The following SNTG2 variants were observed in gnomAD, a reference collection of about 807,000 sequenced individuals.
SNTG2 encodes the protein syntrophin gamma 2.
Under a neutral mutation model 70.9 loss-of-function variants are expected in SNTG2, and 74 were observed. The ratio of observed to expected loss-of-function variants is 1.04; its 90% CI spans 0.86 to 1.27. The LOEUF (loss-of-function observed/expected upper bound fraction) is 1.27, where lower values mean the gene tolerates loss of function less well. Ranked by LOEUF, SNTG2 falls within the 50% of genes most tolerant of loss-of-function variation. SNTG2 has a pLI of 0.00. For missense variants in SNTG2, 717 were observed against 690.7 expected (o/e 1.04, Z -0.43); for synonymous variants, 278 against 273.8 (o/e 1.02, Z -0.15).
intron 8 of SNTG2, among the ~76,000 whole-genome samples, chr2:1,192,266 G>A (rs1332831188): frequency 1.3e-5 from 2 of 152,158 alleles, no homozygotes; most frequent in East Asian, 3.9e-4. Context: ...GATTTAGAAA[G>A]GTCTGAGTGC....
chr2:1,209,300 G>T (rs546862872), intron 9 of SNTG2, 70 bp downstream of exon 9: 10 of 1,587,320 alleles, frequency 6.3e-6, no homozygotes, highest in Non-Finnish European at 8.6e-6. Context: ...CCTACAGGCC[G>T]CTGGTTACTC....
intron 8 of SNTG2, among the ~76,000 whole-genome samples, chr2:1,175,518 A>C (rs1436559987): frequency 2.0e-5 from 3 of 152,142 alleles, no homozygotes; most frequent in Admixed American, 6.5e-5. Flanking sequence ...GGAGAATCAA[A>C]CCTTTCTGAC....
chr2:1,159,639 GAA>G (rs1670142604), intron 6 of SNTG2, among the ~76,000 whole-genome samples: 1 of 152,046 alleles, frequency 6.6e-6, no homozygotes, highest in African/African-American at 2.4e-5. Context: ...GAAAGCAAAG[GAA>G]AAAGAGCCAT....
At position 1,065,241 on chromosome 2, in the gene SNTG2, C is replaced by T. The variant is rs146655791; in HGVS notation, c.73-18277C>T. On this transcript the variant is annotated intron_variant, in intron 1 of 16. Transcript: ENST00000308624. ...TGTGCTCTGTGGCCACCTGCTTTTC[C>T]GGGATGCCTGTATTCAGACCCTTCA... Among the ~76,000 whole-genome samples the T allele has an allele frequency of 8.3e-4, 127 of 152,122 alleles. 1 individual carries two copies. The highest frequency in any genetic ancestry group is 3.0e-3 in the African/African-American group (126 of 41,486).
At chr2:1,012,561 G>C (rs1659761206) in intron 1 of SNTG2, among the ~76,000 whole-genome samples, 1 of 147,232 alleles carries the variant, frequency 6.8e-6, no homozygotes, top group Admixed American at 6.7e-5. Flanking sequence ...TGGGCAGAGA[G>C]AAGGGTGGTC....
At chr2:1,191,198 T>TAA (rs759560553) in intron 8 of SNTG2, among the ~76,000 whole-genome samples, 3 of 152,236 alleles carry the variant, frequency 2.0e-5, no homozygotes, top group African/African-American at 4.8e-5. Flanking sequence ...TTCTCCCTTA[T>TAA]CATATCTCTT....
chr2:972,161 G>A (rs1294099597), intron 1 of SNTG2, among the ~76,000 whole-genome samples: 1 of 152,018 alleles, frequency 6.6e-6, no homozygotes, highest in Non-Finnish European at 1.5e-5. Flanking sequence ...GGTTTATTTG[G>A]TCAAATACTA....
At chr2:1,087,051 G>T (rs1157204369) in intron 2 of SNTG2, among the ~76,000 whole-genome samples, 5 of 152,124 alleles carry the variant, frequency 3.3e-5, no homozygotes, top group Admixed American at 6.5e-5. Context: ...TGAGGAATCC[G>T]GGGTGCTAAG....
At chr2:1,299,923 G>T (rs900653814) in intron 14 of SNTG2, among the ~76,000 whole-genome samples, 8 of 152,154 alleles carry the variant, frequency 5.3e-5, no homozygotes, top group Non-Finnish European at 1.0e-4. Flanking sequence ...CTTAAATGAC[G>T]GCACTGTGAC....
chr2:1,244,554 G>T (rs962271179), intron 11 of SNTG2, among the ~76,000 whole-genome samples: 4 of 152,040 alleles, frequency 2.6e-5, no homozygotes, highest in Non-Finnish European at 5.9e-5. Context: ...AAATTAGCAG[G>T]GCGTGGTGGC....
intron 11 of SNTG2, among the ~76,000 whole-genome samples, chr2:1,242,457 T>C (rs1677114330): frequency 6.6e-6 from 1 of 152,176 alleles, no homozygotes; most frequent in African/African-American, 2.4e-5. Context: ...ATTTTTAGAC[T>C]CTCATATCTG....
At chr2:1,266,175 CAGAG>C (rs61105769) in intron 13 of SNTG2, among the ~76,000 whole-genome samples, 13 of 149,550 alleles carry the variant, frequency 8.7e-5, no homozygotes, top group African/African-American at 1.7e-4. Context: ...GAAATGGAGA[CAGAG>C]AGAGAGAGAG....
intron 1 of SNTG2, among the ~76,000 whole-genome samples, chr2:1,045,516 T>A (rs1661684198): frequency 6.6e-6 from 1 of 152,134 alleles, no homozygotes; most frequent in African/African-American, 2.4e-5. Context: ...TTTGGGTGTT[T>A]AGCACCATGA....
chr2:1,359,182 A>G (rs1028931536), intron 16 of SNTG2, among the ~76,000 whole-genome samples: 2 of 152,138 alleles, frequency 1.3e-5, no homozygotes, highest in African/African-American at 4.8e-5. Context: ...GAAGATAATT[A>G]TATATAGTAT....
intron 1 of SNTG2, among the ~76,000 whole-genome samples, chr2:1,035,628 G>T (rs1661087643): frequency 6.6e-6 from 1 of 152,150 alleles, no homozygotes. Context: ...TTGATTTATT[G>T]TTCATTTCAC....
intron 1 of SNTG2, among the ~76,000 whole-genome samples, chr2:984,623 G>C (rs1216536622): frequency 6.6e-6 from 1 of 152,208 alleles, no homozygotes; most frequent in Non-Finnish European, 1.5e-5. Context: ...CATGAGGTCA[G>C]CTGTGGCCCT....
intron 16 of SNTG2, among the ~76,000 whole-genome samples, chr2:1,364,845 G>A (rs1282261780): frequency 2.6e-5 from 4 of 152,000 alleles, no homozygotes; most frequent in Non-Finnish European, 5.9e-5. Context: ...AGGAGGCGGA[G>A]CTTGCAGTGA....
At chr2:1,210,704 A>AT (rs1673984064) in intron 9 of SNTG2, 2 of 152,124 alleles carry the variant, frequency 1.3e-5, no homozygotes, top group African/African-American at 4.8e-5. Context: ...CAGGTGTGTC[A>AT]TTTTTTAACT....
At chr2:1,301,157 G>A (rs371039000) in intron 14 of SNTG2, among the ~76,000 whole-genome samples, 72 of 152,216 alleles carry the variant, frequency 4.7e-4, no homozygotes, top group African/African-American at 1.5e-3. Flanking sequence ...AGTGGATGGC[G>A]GGGAAGGGTC....
Sources: gnomAD v4.1 joint callset for allele counts (sites outside exome capture counted in the v4.1 genomes callset) on GRCh38, gnomAD v4.1.1 for gene constraint, MANE v1.5 for transcripts, NCBI Gene and HGNC (gene_info 2026-07-23, HGNC 2026-07-21) for gene names.